Variants in KCNQ5 observed in about 807,000 individuals in gnomAD.
The protein encoded by KCNQ5 is potassium voltage-gated channel subfamily KQT member 5.
A neutral mutation model predicts 98.2 loss-of-function variants in KCNQ5; 30 were observed. The observed-to-expected ratio is 0.31, with a 90% CI of 0.23 to 0.41. The LOEUF is 0.41. Among genes scored for constraint, KCNQ5 ranks in the 10% least tolerant of loss-of-function variants. The probability of loss-of-function intolerance (pLI) is 1.00; values close to 1 mark genes in which losing one functional copy is unlikely to be tolerated. For missense variants in KCNQ5, 835 were observed against 1,182.5 expected (o/e 0.71, Z 4.31); for synonymous variants, 458 against 449.4 (o/e 1.02, Z -0.24).
chr6:72,935,064 CTTTT>C (rs59215198), intron 1 of KCNQ5, among the ~76,000 whole-genome samples: 14 of 99,224 alleles, frequency 1.4e-4, no homozygotes, highest in Admixed American at 2.4e-4. Context: ...CTTGTTCTAT[CTTTT>C]TTTTTTTTTT....
intron 10 of KCNQ5, among the ~76,000 whole-genome samples, chr6:73,158,457 G>A (rs1343486246): frequency 6.6e-6 from 1 of 151,998 alleles, no homozygotes; most frequent in African/African-American, 2.4e-5. Flanking sequence ...AGTAGAGACG[G>A]GGTTTCACCA....
At chr6:72,662,202 GAA>G (rs935713776) in intron 1 of KCNQ5, among the ~76,000 whole-genome samples, 2 of 152,068 alleles carry the variant, frequency 1.3e-5, no homozygotes, top group African/African-American at 4.8e-5. Context: ...CAGCTGAGGA[GAA>G]TAAATTCTAT....
intron 1 of KCNQ5, among the ~76,000 whole-genome samples, chr6:72,848,092 G>A (rs924205469): frequency 1.3e-5 from 2 of 151,922 alleles, no homozygotes; most frequent in African/African-American, 4.8e-5. Flanking sequence ...ATGTCCCCAG[G>A]AGGCAAGGAC....
At chr6:72,691,299 A>G (rs879942996) in intron 1 of KCNQ5, among the ~76,000 whole-genome samples, 2 of 152,232 alleles carry the variant, frequency 1.3e-5, no homozygotes, top group African/African-American at 4.8e-5. Flanking sequence ...TATAAACCCT[A>G]TGACTTATGA....
chr6:72,875,226 T>G (rs1207658227), intron 1 of KCNQ5, among the ~76,000 whole-genome samples: 2 of 152,224 alleles, frequency 1.3e-5, no homozygotes, highest in Non-Finnish European at 2.9e-5. Flanking sequence ...CACAATCCCT[T>G]GGCTTTGTTT....
At chr6:72,781,587 C>T (rs60563419) in intron 1 of KCNQ5, among the ~76,000 whole-genome samples, 6,607 of 152,082 alleles carry the variant, frequency 0.043, 454 homozygotes, top group African/African-American at 0.15. Flanking sequence ...AGATTAATCT[C>T]ATTTGGATTC....
At chr6:72,670,026 C>G (rs1445420416) in intron 1 of KCNQ5, among the ~76,000 whole-genome samples, 1 of 150,648 alleles carries the variant, frequency 6.6e-6, no homozygotes, top group Non-Finnish European at 1.5e-5. Context: ...TTGAATTTGA[C>G]TATAAGCAGT....
intron 1 of KCNQ5, among the ~76,000 whole-genome samples, chr6:72,682,595 G>T (rs6453596): frequency 0.021 from 3,210 of 152,044 alleles, 128 homozygotes; most frequent in African/African-American, 0.073. Flanking sequence ...CCTGTCTCAG[G>T]AATCCAGCCC....
intron 10 of KCNQ5, among the ~76,000 whole-genome samples, chr6:73,138,450 C>T (rs1446130999): frequency 6.6e-6 from 1 of 152,152 alleles, no homozygotes; most frequent in Non-Finnish European, 1.5e-5. Flanking sequence ...ATAACCTGGA[C>T]AGTGAAGGAG....
intron 1 of KCNQ5, among the ~76,000 whole-genome samples, chr6:72,938,722 A>AT (rs1766073624): frequency 6.6e-6 from 1 of 152,142 alleles, no homozygotes. Flanking sequence ...TATGATATGT[A>AT]TATTATACCT....
rs921029640 is a variant in KCNQ5 at position 73,195,663 on chromosome 6, C to T, written c.*249C>T. 3 of 486,322 alleles carry T rather than the reference C, an allele frequency of 6.2e-6. No homozygotes were observed. The highest frequency in any genetic ancestry group is 3.9e-5 in the African/African-American group (2 of 51,450). The allele number at this position is 486,322 out of a possible 1,614,324, so 30.1% of individuals were successfully genotyped here. ...GAGTTAAAAAGCCTGAGAAACCAAACACAGCTAATGCTATGGGGTGTATGA... is the reference window on the plus strand; with the variant it reads ...GAGTTAAAAAGCCTGAGAAACCAAATACAGCTAATGCTATGGGGTGTATGA... On this transcript the variant is annotated 3_prime_UTR_variant, in exon 14 of 14. Coordinates refer to ENST00000370398, the MANE Select transcript of KCNQ5 (RefSeq NM_019842.4).
intron 1 of KCNQ5, among the ~76,000 whole-genome samples, chr6:72,971,355 G>A (rs1767888111): frequency 2.0e-5 from 3 of 152,312 alleles, no homozygotes; most frequent in Middle Eastern, 3.4e-3. Flanking sequence ...AACCGGTGCT[G>A]GAGAGGATGT....
At chr6:72,643,247 C>A (rs1023268722) in intron 1 of KCNQ5, among the ~76,000 whole-genome samples, 2 of 152,076 alleles carry the variant, frequency 1.3e-5, no homozygotes, top group African/African-American at 4.8e-5. Context: ...TGCACATGTA[C>A]CCCTGAACTT....
intron 1 of KCNQ5, among the ~76,000 whole-genome samples, chr6:72,634,627 G>A (rs1381676452): frequency 6.6e-6 from 1 of 152,026 alleles, no homozygotes; most frequent in African/African-American, 2.4e-5. Flanking sequence ...GTGCAGTGGT[G>A]TGATTTCGGC....
intron 7 of KCNQ5, among the ~76,000 whole-genome samples, chr6:73,112,412 C>G (rs1208677827): frequency 1.3e-5 from 2 of 150,974 alleles, no homozygotes; most frequent in African/African-American, 2.4e-5. Context: ...GTGGTGCGAT[C>G]TCGGCTCACT....
At chr6:72,810,472 T>A (rs1299494734) in intron 1 of KCNQ5, among the ~76,000 whole-genome samples, 1 of 152,218 alleles carries the variant, frequency 6.6e-6, no homozygotes, top group Non-Finnish European at 1.5e-5. Context: ...ATTTCTGCTA[T>A]CTGACCAGAG....
chr6:72,965,811 A>G (rs1273978603), intron 1 of KCNQ5, among the ~76,000 whole-genome samples: 2 of 152,210 alleles, frequency 1.3e-5, no homozygotes, highest in Non-Finnish European at 2.9e-5. Flanking sequence ...GAAAAGTGCT[A>G]TTTGTAAAAC....
chr6:72,868,113 CA>C (rs1665466034), intron 1 of KCNQ5, among the ~76,000 whole-genome samples: 1 of 151,852 alleles, frequency 6.6e-6, no homozygotes, highest in African/African-American at 2.4e-5. Flanking sequence ...GGGAGTCCTC[CA>C]CCAGGACTTC....
intron 2 of KCNQ5, among the ~76,000 whole-genome samples, chr6:73,023,569 A>G (rs535394441): frequency 1.3e-5 from 2 of 152,308 alleles, no homozygotes; most frequent in East Asian, 1.9e-4. Context: ...TCATTTTCGT[A>G]TTAAGCCCCT....
Sources: allele counts gnomAD v4.1 joint callset (sites outside exome capture counted in the v4.1 genomes callset), GRCh38; gene constraint gnomAD v4.1.1; transcripts MANE v1.5; gene names NCBI Gene and HGNC (gene_info 2026-07-23, HGNC 2026-07-21).